Variants in DENND5B observed in about 807,000 individuals in gnomAD.
DENND5B encodes the protein DENN domain containing 5B, also known as DENN domain-containing protein 5B.
DENND5B carries 34 observed loss-of-function variants against 140.6 expected under a neutral mutation model. That is an observed-to-expected ratio of 0.24 (90% CI 0.18 to 0.32). The LOEUF (loss-of-function observed/expected upper bound fraction) is 0.32. DENND5B is among the 10% of genes least tolerant of loss of function. The pLI is 1.00. For missense variants in DENND5B, 1,142 were observed against 1,560.2 expected (o/e 0.73, Z 4.52); for synonymous variants, 551 against 562.1 (o/e 0.98, Z 0.28).
intron 1 of DENND5B, among the ~76,000 whole-genome samples, chr12:31,537,378 A>C (rs1292813165): frequency 1.3e-5 from 2 of 152,184 alleles, no homozygotes; most frequent in Non-Finnish European, 2.9e-5. Context: ...GTGTTTATGA[A>C]AACAGTGTTA....
At chr12:31,477,761 TA>T in intron 3 of DENND5B, 2 of 190,146 alleles carry the variant, frequency 1.1e-5, no homozygotes, top group Admixed American at 5.7e-5. Context: ...AAAGACATAA[TA>T]AAGATGCTCA....
intron 1 of DENND5B, among the ~76,000 whole-genome samples, chr12:31,516,513 T>C (rs1432460307): frequency 6.6e-6 from 1 of 150,734 alleles, no homozygotes; most frequent in East Asian, 2.0e-4. Context: ...CCCCAAGCCA[T>C]GAAGAAACCT....
chr12:31,561,175 G>A (rs1287963116), intron 1 of DENND5B, among the ~76,000 whole-genome samples: 1 of 152,190 alleles, frequency 6.6e-6, no homozygotes, highest in Non-Finnish European at 1.5e-5. Flanking sequence ...CCGAGTCACA[G>A]ATACACAGCT....
At chr12:31,581,991 G>C (rs1950224869) in intron 1 of DENND5B, among the ~76,000 whole-genome samples, 1 of 152,150 alleles carries the variant, frequency 6.6e-6, no homozygotes, top group African/African-American at 2.4e-5. Flanking sequence ...TTGTTATGCT[G>C]TATTGTTTAG....
chr12:31,587,769 A>G (rs1248190572), intron 1 of DENND5B, among the ~76,000 whole-genome samples: 1 of 150,904 alleles, frequency 6.6e-6, no homozygotes, highest in Non-Finnish European at 1.5e-5. Context: ...CTGGTCTTGA[A>G]CTCCTGACCT....
At chr12:31,469,164 T>G (rs192893931) in intron 3 of DENND5B, among the ~76,000 whole-genome samples, 24 of 151,694 alleles carry the variant, frequency 1.6e-4, no homozygotes, top group African/African-American at 5.8e-4. Context: ...GTGTAACTTG[T>G]CTCTACTAAA....
chr12:31,502,864 G>A (rs1423850826), intron 1 of DENND5B, among the ~76,000 whole-genome samples: 1 of 152,168 alleles, frequency 6.6e-6, no homozygotes, highest in Non-Finnish European at 1.5e-5. Flanking sequence ...AGTAATAAAG[G>A]AATCGGTTTA....
chr12:31,442,654 TG>T, intron 7 of DENND5B, 120 bp downstream of exon 7: 1 of 970,240 alleles, frequency 1.0e-6, no homozygotes, highest in Non-Finnish European at 1.4e-6. Context: ...TGCATTAATG[TG>T]GTCATGAAAA....
intron 11 of DENND5B, chr12:31,420,080 C>A: frequency 4.4e-5 from 43 of 984,252 alleles, no homozygotes; most frequent in Non-Finnish European, 5.2e-5. Flanking sequence ...TTTAGTAGAA[C>A]CTTGTCTGAA....
chr12:31,545,435 T>C (rs1592018849), intron 1 of DENND5B, among the ~76,000 whole-genome samples: 1 of 152,178 alleles, frequency 6.6e-6, no homozygotes, highest in Non-Finnish European at 1.5e-5. Flanking sequence ...GCCATCTTTA[T>C]GTCTATGAGT....
chr12:31,556,650 C>G (rs368633130), intron 1 of DENND5B, among the ~76,000 whole-genome samples: 2 of 152,124 alleles, frequency 1.3e-5, no homozygotes, highest in East Asian at 3.9e-4. Flanking sequence ...GACCCTATCT[C>G]TATTCTACTT....
At chr12:31,424,303 C>G (rs1943145499) in intron 10 of DENND5B, among the ~76,000 whole-genome samples, 1 of 152,124 alleles carries the variant, frequency 6.6e-6, no homozygotes, top group Admixed American at 6.6e-5. Flanking sequence ...GGGATACAGC[C>G]TCTGCAATGA....
rs201264817 is a variant in DENND5B, at chr12:31,529,741, T to TA, written c.128-33823dup. ...ATAAAAATTTAAAAATAATTTTTTT[T>TA]AAAAAAGAAAACATCCTTTAAAAAA... On this transcript the variant is annotated intron_variant, in intron 1 of 20. Transcript: ENST00000389082. 1.5e-3 allele frequency among the ~76,000 whole-genome samples: 232 copies of TA among 150,020 alleles called. 2 individuals carry two copies. The highest frequency in any genetic ancestry group is 4.3e-3 in the African/African-American group (178 of 40,926).
intron 8 of DENND5B, chr12:31,432,886 A>G: frequency 5.7e-6 from 2 of 353,140 alleles, no homozygotes; most frequent in Non-Finnish European, 1.0e-5. Flanking sequence ...CATAGTAACT[A>G]AAAATTTATC....
At chr12:31,469,921 C>T (rs1299886989) in intron 3 of DENND5B, among the ~76,000 whole-genome samples, 1 of 151,988 alleles carries the variant, frequency 6.6e-6, no homozygotes, top group African/African-American at 2.4e-5. Context: ...CAGGTGCTAG[C>T]ACATGCACAG....
At chr12:31,555,506 C>A (rs531677006) in intron 1 of DENND5B, among the ~76,000 whole-genome samples, 5 of 152,302 alleles carry the variant, frequency 3.3e-5, no homozygotes, top group East Asian at 3.9e-4. Flanking sequence ...GGGTCAGGGA[C>A]CCACTTGAGG....
chr12:31,588,724 G>T (rs183720384), intron 1 of DENND5B, among the ~76,000 whole-genome samples: 73 of 152,276 alleles, frequency 4.8e-4, no homozygotes, highest in Non-Finnish European at 8.1e-4. Context: ...ACGGAGAGAT[G>T]ATTGTATTTT....
At chr12:31,428,710 G>C (rs553354276) in intron 8 of DENND5B, among the ~76,000 whole-genome samples, 1 of 152,162 alleles carries the variant, frequency 6.6e-6, no homozygotes, top group African/African-American at 2.4e-5. Context: ...TGGGATTACA[G>C]GTGCACATCC....
chr12:31,479,939 G>T lies in DENND5B; in HGVS notation c.554C>A (p.Thr185Asn), dbSNP rs1247942953. 6.2e-7 allele frequency: 1 copy of T among 1,614,008 alleles called. No homozygotes were observed. Among genetic ancestry groups the T allele is most frequent in the Non-Finnish European group, 8.5e-7 (1 of 1,179,878 alleles). The change falls in exon 3 of 21, where the codon ACC becomes AAC. Residue 185 changes from threonine (T) to asparagine (N), a missense_variant. Thr to Asn is a moderately conservative substitution (Grantham distance 65). Around this residue, in one of 5 missense-constraint regions of DENND5B, gnomAD observed 708 missense variants for 905.5 expected, o/e 0.78. Coordinates refer to ENST00000389082, the MANE Select transcript of DENND5B (RefSeq NM_144973.4). The stretch of plus-strand genomic sequence containing the variant: ...GCATATACTTTTTGAAACATACAGG[G>T]TGTCTCTGCTAATATCATAGGAGTT... ...RYNSYDISRD[T>N]LYVSKSICLI...
Sources: allele counts gnomAD v4.1 joint callset (sites outside exome capture counted in the v4.1 genomes callset), GRCh38; gene constraint gnomAD v4.1.1; regional missense constraint gnomAD v4.1.1; transcripts MANE v1.5; gene names NCBI Gene and HGNC (gene_info 2026-07-23, HGNC 2026-07-21).